SPTB: variants seen among roughly 807,000 people sequenced by gnomAD.
SPTB encodes spectrin beta, erythrocytic.
SPTB carries 45 observed loss-of-function variants against 256.2 expected under a neutral mutation model. That is an observed-to-expected ratio of 0.18 (90% CI 0.14 to 0.23). The LOEUF is 0.23. SPTB is among the 10% of genes least tolerant of loss of function. The pLI is 1.00. For synonymous variants in SPTB, 1,231 were observed against 1,243.1 expected, an observed-to-expected ratio of 0.99 and a Z score of 0.21; for missense variants, 2,715 against 3,040.4, an observed-to-expected ratio of 0.89 and a Z score of 2.52.
rs149693534 is a variant in SPTB, at chr14:64,826,730, G to A, written c.-51-3585C>T. Among the ~76,000 whole-genome samples, 4 of 152,148 alleles carry A rather than the reference G, an allele frequency of 2.6e-5. No individual in the cohort carries two copies. The highest frequency in any genetic ancestry group is 1.9e-4 in the East Asian group (1 of 5,172). ...TGTAGGTGGGTCTTCTCTGGTCTCC[G>A]TGACTCTGTGCCCAGAGAGGTCCAC... On this transcript the variant is annotated intron_variant, in intron 1 of 35. Coordinates refer to ENST00000644917, the MANE Select transcript of SPTB (RefSeq NM_001355436.2). This position sits in a 1 kb window ranked among gnomAD's most constrained non-coding sequence, Gnocchi z 4.4.
chr14:64,750,278 A>G (rs2081925034), intron 33 of SPTB, 124 bp from the exon 34 acceptor site: 1 of 993,012 alleles, frequency 1.0e-6, no homozygotes, highest in African/African-American at 1.6e-5. Flanking sequence ...AACATGTTTT[A>G]TTGTTAAAAA....
chr14:64,787,560 G>A (rs926476296), intron 15 of SPTB, among the ~76,000 whole-genome samples: 3 of 152,216 alleles, frequency 2.0e-5, no homozygotes, highest in Non-Finnish European at 4.4e-5. Flanking sequence ...AGGGTCCCCA[G>A]CTGCCCTAGA....
At position 64,793,578 on chromosome 14, in the gene SPTB, C is replaced by A. The variant is rs770967001; in HGVS notation, c.2085G>T (p.Gln695His). ...ELRGLDAHLE[Q>H]IFQEAHGMVA... is the part of the protein sequence containing the mutation. ...CCATGCCATGAGCCTCCTGGAAGAT[C>A]TGCTCCAGGTGAGCATCCAGCCCAC... Residue 695 changes from glutamine to histidine, a missense_variant, in exon 14 of 36, where the codon CAG (glutamine) becomes CAT (histidine). Physicochemically the swap from Gln to His is conservative, Grantham distance 24. Transcript: ENST00000644917. The surrounding 1 kb of genome is among the most constrained non-coding windows in gnomAD (Gnocchi z 7.0). 1.6e-5 allele frequency: 26 copies of A among 1,614,094 alleles called. No individual in the cohort carries two copies. The highest frequency in any genetic ancestry group is 2.0e-5 in the Non-Finnish European group (24 of 1,180,060).
chr14:64,860,288 T>C (rs762998704), intron 1 of SPTB, among the ~76,000 whole-genome samples: 1 of 152,220 alleles, frequency 6.6e-6, no homozygotes, highest in Non-Finnish European at 1.5e-5. Flanking sequence ...ACTCATTGAA[T>C]GAGCCCTTTT....
intron 1 of SPTB, among the ~76,000 whole-genome samples, chr14:64,855,807 C>A (rs1379560563): frequency 6.6e-6 from 1 of 152,230 alleles, no homozygotes; most frequent in Non-Finnish European, 1.5e-5. Flanking sequence ...TGGTCTGCCT[C>A]TTCTCCACCA....
chr14:64,870,266 T>G (rs193269769), intron 1 of SPTB, among the ~76,000 whole-genome samples: 1 of 150,184 alleles, frequency 6.7e-6, no homozygotes, highest in African/African-American at 2.5e-5. Context: ...ATTTTAAGGA[T>G]AATAATAAAT....
chr14:64,799,181 G>A (rs1431320705), intron 9 of SPTB, among the ~76,000 whole-genome samples: 1 of 152,220 alleles, frequency 6.6e-6, no homozygotes, highest in African/African-American at 2.4e-5. Flanking sequence ...GTGTATGCAG[G>A]TATGCATGTG....
At chr14:64,875,489 T>C (rs1470512754) in intron 1 of SPTB, among the ~76,000 whole-genome samples, 1 of 152,072 alleles carries the variant, frequency 6.6e-6, no homozygotes, top group Non-Finnish European at 1.5e-5. Flanking sequence ...CCTGACTGCC[T>C]CCTACGCTCT....
chr14:64,859,716 CTCTCTA>C (rs1157143543), intron 1 of SPTB, among the ~76,000 whole-genome samples: 14 of 124,868 alleles, frequency 1.1e-4, no homozygotes, highest in African/African-American at 3.7e-4. Context: ...CTCTCTCTCT[CTCTCTA>C]TATATATATA....
Position 64,775,279 on chromosome 14 carries a change from T to C in SPTB, c.4688A>G (p.Gln1563Arg), listed in dbSNP as rs147213872. Residue 1563 changes from glutamine to arginine, a missense_variant, in exon 23 of 36, where the codon CAG becomes CGG. Physicochemically the swap from Gln to Arg is conservative, Grantham distance 43. Coordinates refer to ENST00000644917, the MANE Select transcript of SPTB (RefSeq NM_001355436.2). The surrounding 1 kb of genome is among the most constrained non-coding windows in gnomAD (Gnocchi z 5.0). ...QDLEERLGHL[Q>R]SSWDRLREAA... Reference sequence around the variant, plus strand: ...CTCCCGCAGCCTGTCCCAGGAGCTCTGCAGGTGCCCCAGGCGCTCCTCAAG... The same window carrying C: ...CTCCCGCAGCCTGTCCCAGGAGCTCCGCAGGTGCCCCAGGCGCTCCTCAAG... The C allele has an allele frequency of 4.3e-5, 70 of 1,613,646 alleles. No individual in the cohort carries two copies. The African/African-American group carries it at 8.1e-4, about 19-fold the overall frequency.
chr14:64,750,876 TATA>T (rs1425550253), intron 33 of SPTB, among the ~76,000 whole-genome samples: 19 of 146,496 alleles, frequency 1.3e-4, no homozygotes, highest in African/African-American at 4.5e-4. Flanking sequence ...ACCTATTATG[TATA>T]ATATATATTT....
At chr14:64,773,929 G>T (rs1307709108) in intron 24 of SPTB, among the ~76,000 whole-genome samples, 1 of 152,184 alleles carries the variant, frequency 6.6e-6, no homozygotes, top group Non-Finnish European at 1.5e-5. Flanking sequence ...GCAGTGTGTG[G>T]TCTGTGGCCC....
intron 24 of SPTB, 59 bp downstream of exon 24, chr14:64,774,338 G>A (rs2082324123): frequency 1.9e-6 from 3 of 1,539,916 alleles, no homozygotes; most frequent in Non-Finnish European, 2.6e-6. Flanking sequence ...GACGTTGGCT[G>A]GTGGGCCCCT....
Position 64,749,224 on chromosome 14 carries a change from G to A in SPTB, c.*82C>T. 7.4e-6 allele frequency: 11 copies of A among 1,488,160 alleles called. No homozygotes were observed. Among genetic ancestry groups the A allele is most frequent in the Middle Eastern group, 1.9e-4 (1 of 5,402 alleles). The allele number at this position is 1,488,160 out of a possible 1,614,324, so 92.2% of individuals were successfully genotyped here. On this transcript the variant is annotated 3_prime_UTR_variant, in exon 36 of 36. Transcript: ENST00000644917. The surrounding 1 kb of genome is among the most constrained non-coding windows in gnomAD (Gnocchi z 4.7). ...CTCGACTCATCTCGATTCGACCGGC[G>A]GGCGGCGGCGAGAGGAGGCCAAGGC... is the stretch of plus-strand genomic sequence containing the variant.
At chr14:64,837,245 T>C (rs2083538593) in intron 1 of SPTB, among the ~76,000 whole-genome samples, 1 of 152,246 alleles carries the variant, frequency 6.6e-6, no homozygotes, top group South Asian at 2.1e-4. Context: ...AGAGATTTGA[T>C]AAATTTTCCA....
intron 1 of SPTB, among the ~76,000 whole-genome samples, chr14:64,868,863 C>A (rs1487973740): frequency 6.6e-6 from 1 of 152,034 alleles, no homozygotes; most frequent in Non-Finnish European, 1.5e-5. Context: ...CCTTAGATGT[C>A]AAATAACTAC....
chr14:64,814,396 T>G (rs1361082596), intron 2 of SPTB, among the ~76,000 whole-genome samples: 2 of 152,240 alleles, frequency 1.3e-5, no homozygotes, highest in Non-Finnish European at 1.5e-5. Flanking sequence ...AAAGTGTCTA[T>G]ATGAGACTTT....
At chr14:64,752,370 G>A in intron 33 of SPTB, 1 of 812,734 alleles carries the variant, frequency 1.2e-6, no homozygotes, top group East Asian at 6.6e-5. Flanking sequence ...AGGAAGTTCT[G>A]GAAGGTCAGA....
In SPTB at chr14:64,785,479, A is replaced by G. The variant is rs1046904948; in HGVS notation, c.3855+58T>C. 2.7e-5 allele frequency: 40 copies of G among 1,486,310 alleles called. No individual in the cohort carries two copies. The highest frequency in any genetic ancestry group is 4.7e-5 in the East Asian group (2 of 42,998). The allele number at this position is 1,486,310 out of a possible 1,614,324, so 92.1% of individuals were successfully genotyped here. A position where few individuals can be genotyped will look rare whatever the true frequency, so the allele number is the denominator to read the frequency against. On this transcript the variant is annotated intron_variant, in intron 18 of 35. Transcript: ENST00000644917. The surrounding 1 kb of genome is among the most constrained non-coding windows in gnomAD (Gnocchi z 4.4). ...CCCTGTGGACTTCCTGCCTTGAGGG[A>G]ACTCTGCTTCTAGAAAGGAATCTCC...
Sources: allele counts gnomAD v4.1 joint callset (sites outside exome capture counted in the v4.1 genomes callset), GRCh38; gene constraint gnomAD v4.1.1; non-coding constraint Gnocchi (gnomAD v3.1); transcripts MANE v1.5; gene names NCBI Gene and HGNC (gene_info 2026-07-23, HGNC 2026-07-21).